DLGAP1: variants seen among roughly 807,000 people sequenced by gnomAD.
DLGAP1 encodes disks large-associated protein 1.
A neutral mutation model predicts 90.8 loss-of-function variants in DLGAP1; 11 were observed. The ratio of observed to expected loss-of-function variants is 0.12; its 90% CI spans 0.08 to 0.20. The LOEUF is 0.20. Among genes scored for constraint, DLGAP1 ranks in the 10% least tolerant of loss-of-function variants. The pLI is 1.00. For synonymous variants in DLGAP1, 558 were observed against 540.7 expected, an observed-to-expected ratio of 1.03 and a Z score of -0.44; for missense variants, 1,050 against 1,333.8, an observed-to-expected ratio of 0.79 and a Z score of 3.31.
At chr18:4,246,803 T>C (rs1360773857) in intron 1 of DLGAP1, among the ~76,000 whole-genome samples, 1 of 152,214 alleles carries the variant, frequency 6.6e-6, no homozygotes, top group Admixed American at 6.5e-5. Context: ...GTCAGTTAGT[T>C]GTTGGTTTCT....
At chr18:4,077,980 T>G (rs1417820723) in intron 2 of DLGAP1, among the ~76,000 whole-genome samples, 1 of 152,204 alleles carries the variant, frequency 6.6e-6, no homozygotes, top group African/African-American at 2.4e-5. Context: ...TGCTGAAGCC[T>G]CTGGTGGAAT....
At chr18:3,992,053 T>C (rs2073980496) in intron 3 of DLGAP1, among the ~76,000 whole-genome samples, 1 of 152,212 alleles carries the variant, frequency 6.6e-6, no homozygotes, top group African/African-American at 2.4e-5. Flanking sequence ...TGAATCTAGA[T>C]TCATAAGACA....
intron 9 of DLGAP1, among the ~76,000 whole-genome samples, chr18:3,538,246 G>T (rs1283379090): frequency 6.6e-6 from 1 of 152,106 alleles, no homozygotes; most frequent in Non-Finnish European, 1.5e-5. Context: ...CAAATACGTT[G>T]TGATTCTGGC....
rs148533375 is a variant in DLGAP1, at chr18:3,562,772, T to C, written c.2057+4718A>G. ...TCCGAAAGTGTTGGGATTACAGGAATGAGCCACTGTGCCTGGCCAGATATA... is the reference window on the plus strand; with the variant it reads ...TCCGAAAGTGTTGGGATTACAGGAACGAGCCACTGTGCCTGGCCAGATATA... On this transcript the variant is annotated intron_variant, in intron 9 of 12. Coordinates refer to ENST00000315677, the MANE Select transcript of DLGAP1 (RefSeq NM_004746.4). 4.4e-3 allele frequency among the ~76,000 whole-genome samples: 671 copies of C among 151,632 alleles called. 7 individuals carry two copies. Among genetic ancestry groups the C allele is most frequent in the African/African-American group, 0.015 (627 of 41,396 alleles).
chr18:3,689,346 C>T (rs2060814272), intron 7 of DLGAP1, among the ~76,000 whole-genome samples: 1 of 152,188 alleles, frequency 6.6e-6, no homozygotes, highest in Non-Finnish European at 1.5e-5. Context: ...AAACTCTCCT[C>T]TCTGTTTGAC....
intron 2 of DLGAP1, among the ~76,000 whole-genome samples, chr18:4,104,701 C>T (rs962213476): frequency 6.6e-6 from 1 of 152,120 alleles, no homozygotes; most frequent in Non-Finnish European, 1.5e-5. Flanking sequence ...TAGTATACAT[C>T]TCTTCTCTGT....
intron 10 of DLGAP1, among the ~76,000 whole-genome samples, chr18:3,512,681 A>C (rs1001427529): frequency 5.9e-5 from 9 of 152,316 alleles, no homozygotes; most frequent in African/African-American, 2.2e-4. Flanking sequence ...AGAGCAGATA[A>C]CTTCATTTGA....
intron 3 of DLGAP1, among the ~76,000 whole-genome samples, chr18:3,998,340 T>C (rs1256749075): frequency 6.6e-6 from 1 of 152,196 alleles, no homozygotes; most frequent in Non-Finnish European, 1.5e-5. Context: ...TAATATTTTA[T>C]TTTAACAGTA....
intron 2 of DLGAP1, among the ~76,000 whole-genome samples, chr18:4,019,140 A>T (rs911515653): frequency 1.3e-5 from 2 of 152,276 alleles, no homozygotes; most frequent in South Asian, 2.1e-4. Context: ...CCATCTAATG[A>T]TCCAATTCCT....
chr18:3,499,379 G>C lies in DLGAP1; in HGVS notation c.2740C>G (p.Pro914Ala). The change falls in exon 13 of 13, where the codon CCT (proline) becomes GCT (alanine). Residue 914 changes from proline (P) to alanine (A), a missense_variant. This residue lies in a region of DLGAP1 where 565 missense variants were observed against 879.7 expected (regional missense o/e 0.64). Transcript: ENST00000315677. The surrounding 1 kb of genome is among the most constrained non-coding windows in gnomAD (Gnocchi z 6.4). ...PLDKKERRAPPPVPKKPAKGP... is the reference protein window; with the variant it reads ...PLDKKERRAPAPVPKKPAKGP... ...TTCGCCGGCTTCTTTGGCACTGGAG[G>C]AGGGGCCCTTCTCTCCTGATCAAAG... 1 of 1,550,412 alleles carries C rather than the reference G, an allele frequency of 6.4e-7. No individual in the cohort carries two copies. Among genetic ancestry groups the C allele is most frequent in the Non-Finnish European group, 8.7e-7 (1 of 1,147,142 alleles).
At chr18:3,601,598 T>C (rs1032648112) in intron 7 of DLGAP1, among the ~76,000 whole-genome samples, 7 of 152,056 alleles carry the variant, frequency 4.6e-5, no homozygotes, top group South Asian at 4.2e-4. Flanking sequence ...ATCCCAGCAC[T>C]TTGGGAGGCC....
intron 1 of DLGAP1, among the ~76,000 whole-genome samples, chr18:4,451,035 C>T (rs2083814157): frequency 6.6e-6 from 1 of 152,092 alleles, no homozygotes; most frequent in African/African-American, 2.4e-5. Context: ...TTACTTGCTG[C>T]CCAGTAATCA....
chr18:4,077,439 G>A (rs1264376134), intron 2 of DLGAP1, among the ~76,000 whole-genome samples: 1 of 152,162 alleles, frequency 6.6e-6, no homozygotes, highest in Admixed American at 6.5e-5. Flanking sequence ...TCAGTGGAAG[G>A]TGTCTGGGCC....
chr18:3,947,602 C>T (rs571249864), intron 3 of DLGAP1, among the ~76,000 whole-genome samples: 8 of 152,212 alleles, frequency 5.3e-5, no homozygotes, highest in Non-Finnish European at 1.2e-4. Flanking sequence ...TTCTGTAAGA[C>T]GTTGAAAATA....
At chr18:4,364,247 G>A in intron 1 of DLGAP1, among the ~76,000 whole-genome samples, 1 of 120,030 alleles carries the variant, frequency 8.3e-6, no homozygotes, top group African/African-American at 3.2e-5. Flanking sequence ...CACACTCTGG[G>A]GACTGTTGTG....
intron 1 of DLGAP1, among the ~76,000 whole-genome samples, chr18:4,427,945 G>A (rs2083193036): frequency 6.6e-6 from 1 of 152,178 alleles, no homozygotes; most frequent in Non-Finnish European, 1.5e-5. Flanking sequence ...GGTCTTTACT[G>A]TCAAGCCTGG....
intron 7 of DLGAP1, among the ~76,000 whole-genome samples, chr18:3,623,827 G>T (rs12604364): frequency 0.3 from 45,227 of 148,740 alleles, 7,280 homozygotes; most frequent in East Asian, 0.52. Flanking sequence ...TGCTTTTCCC[G>T]TTGCTTCCCT....
intron 2 of DLGAP1, among the ~76,000 whole-genome samples, chr18:4,142,969 A>G (rs1046642829): frequency 6.6e-6 from 1 of 152,146 alleles, no homozygotes; most frequent in African/African-American, 2.4e-5. Context: ...CCAAACAAAC[A>G]GAGTCTTTCT....
intron 1 of DLGAP1, among the ~76,000 whole-genome samples, chr18:4,442,990 G>A (rs1184294858): frequency 6.6e-6 from 1 of 152,124 alleles, no homozygotes; most frequent in Non-Finnish European, 1.5e-5. Context: ...AATAAGTGAA[G>A]GAATGAATGA....
Sources: gnomAD v4.1 joint callset for allele counts (sites outside exome capture counted in the v4.1 genomes callset) on GRCh38, gnomAD v4.1.1 for gene constraint, gnomAD v4.1.1 regional missense constraint, Gnocchi (gnomAD v3.1) non-coding constraint, MANE v1.5 for transcripts, NCBI Gene and HGNC (gene_info 2026-07-23, HGNC 2026-07-21) for gene names.